Variants in FHIT observed in about 807,000 individuals in gnomAD.
The protein encoded by FHIT is bis(5'-adenosyl)-triphosphatase.
Under a neutral mutation model 17.9 loss-of-function variants are expected in FHIT, and 19 were observed. The ratio of observed to expected loss-of-function variants is 1.06; its 90% CI spans 0.74 to 1.56. FHIT has a LOEUF of 1.56. Among genes scored for constraint, FHIT ranks in the 40% most tolerant of loss-of-function variants. The pLI is 0.00. For missense variants in FHIT, 248 were observed against 189.2 expected (o/e 1.31, Z -1.82); for synonymous variants, 81 against 69.7 (o/e 1.16, Z -0.81).
intron 3 of FHIT, among the ~76,000 whole-genome samples, chr3:60,875,997 A>G (rs1327398492): frequency 2.0e-5 from 3 of 150,584 alleles, no homozygotes; most frequent in East Asian, 2.0e-4. Flanking sequence ...TTATATATCT[A>G]TTTCCCAGGC....
intron 8 of FHIT, among the ~76,000 whole-genome samples, chr3:59,919,876 C>A (rs1018970999): frequency 1.2e-4 from 19 of 152,196 alleles, no homozygotes; most frequent in African/African-American, 4.6e-4. Flanking sequence ...ACATTAAGTT[C>A]TATTCCAATA....
chr3:60,467,692 A>T (rs1038349578), intron 5 of FHIT, among the ~76,000 whole-genome samples: 6 of 152,106 alleles, frequency 3.9e-5, no homozygotes, highest in Admixed American at 3.9e-4. Context: ...GATATTTGAC[A>T]TAATTTTTAA....
chr3:61,206,167 A>G lies in FHIT; in HGVS notation c.-212-5502T>C, dbSNP rs375014791. 1.8e-4 allele frequency among the ~76,000 whole-genome samples: 24 copies of G among 134,138 alleles called. 1 individual carries two copies. The South Asian group carries it at 5.5e-3, about 31-fold the overall frequency. 88.0% of individuals were successfully genotyped at this position (134,138 alleles called of 152,430 possible). A position where few individuals can be genotyped will look rare whatever the true frequency, so the allele number is the denominator to read the frequency against. ...ATTTCTGAGGGCTCTGTTCTGTTCC[A>G]TTGATCTATATCTCTGTTTTGGTAC... On this transcript the variant is annotated intron_variant, in intron 1 of 9. Coordinates refer to ENST00000492590, the MANE Select transcript of FHIT (RefSeq NM_002012.4).
chr3:59,971,883 C>T (rs1488873193), intron 7 of FHIT, among the ~76,000 whole-genome samples: 2 of 152,118 alleles, frequency 1.3e-5, no homozygotes, highest in East Asian at 1.9e-4. Context: ...TAAATGGCAA[C>T]AAAATATAAT....
intron 5 of FHIT, among the ~76,000 whole-genome samples, chr3:60,423,971 T>C (rs1441760285): frequency 2.0e-5 from 3 of 152,202 alleles, no homozygotes; most frequent in African/African-American, 7.2e-5. Context: ...TATGTTGTAC[T>C]TCTTTCTGCT....
intron 3 of FHIT, among the ~76,000 whole-genome samples, chr3:61,039,973 G>C (rs1291427636): frequency 6.6e-6 from 1 of 152,146 alleles, no homozygotes; most frequent in African/African-American, 2.4e-5. Context: ...TGTAATTCAA[G>C]TGACATCACT....
At chr3:59,979,224 T>C (rs890990710) in intron 7 of FHIT, among the ~76,000 whole-genome samples, 2 of 152,168 alleles carry the variant, frequency 1.3e-5, no homozygotes, top group Admixed American at 6.6e-5. Context: ...ATTCCAACCT[T>C]GGTCTTGTGG....
In FHIT at chr3:60,827,404, G is replaced by C. The variant is rs145785734; in HGVS notation, c.-110-5393C>G. Among the ~76,000 whole-genome samples the C allele has an allele frequency of 1.6e-3, 242 of 152,258 alleles. 1 individual carries two copies. The highest frequency in any genetic ancestry group is 5.5e-3 in the African/African-American group (227 of 41,548). Reference sequence around the variant, plus strand: ...TACAATAGTTGCATATCATCCTTTTGTACGTGTCATCCTAAAAATGGGATT... The same window carrying C: ...TACAATAGTTGCATATCATCCTTTTCTACGTGTCATCCTAAAAATGGGATT... On this transcript the variant is annotated intron_variant, in intron 3 of 9. Coordinates refer to ENST00000492590, the MANE Select transcript of FHIT (RefSeq NM_002012.4).
At chr3:59,814,045 TACACACAC>T (rs144355020) in intron 8 of FHIT, among the ~76,000 whole-genome samples, 3 of 146,770 alleles carry the variant, frequency 2.0e-5, no homozygotes, top group East Asian at 2.0e-4. Flanking sequence ...AATTTACACA[TACACACAC>T]ACACACACAC....
At chr3:60,998,555 A>G (rs1399283280) in intron 3 of FHIT, among the ~76,000 whole-genome samples, 1 of 152,130 alleles carries the variant, frequency 6.6e-6, no homozygotes, top group Non-Finnish European at 1.5e-5. Flanking sequence ...GCTAATTTGA[A>G]CCATAGTGCC....
chr3:60,101,110 C>T (rs955771999), intron 5 of FHIT, among the ~76,000 whole-genome samples: 1 of 152,200 alleles, frequency 6.6e-6, no homozygotes, highest in Non-Finnish European at 1.5e-5. Context: ...TCTTAACTGA[C>T]CTGCCGGCCC....
chr3:60,996,127 T>A (rs548677601), intron 3 of FHIT, among the ~76,000 whole-genome samples: 2 of 152,350 alleles, frequency 1.3e-5, no homozygotes, highest in East Asian at 3.9e-4. Context: ...CTCACTTGCT[T>A]ATAAGCCCTA....
chr3:61,069,081 G>GT (rs1369033948), intron 2 of FHIT, among the ~76,000 whole-genome samples: 6 of 152,012 alleles, frequency 3.9e-5, no homozygotes, highest in African/African-American at 1.4e-4. Context: ...AATTCAACAG[G>GT]TTTTTCTTTT....
intron 2 of FHIT, among the ~76,000 whole-genome samples, chr3:61,064,253 G>A (rs1049901970): frequency 9.2e-5 from 14 of 152,054 alleles, no homozygotes; most frequent in Non-Finnish European, 1.9e-4. Context: ...GGCCCACCAC[G>A]AGATGGCCCT....
At chr3:60,007,588 C>T (rs184186455) in intron 7 of FHIT, among the ~76,000 whole-genome samples, 2 of 152,280 alleles carry the variant, frequency 1.3e-5, no homozygotes, top group Admixed American at 6.5e-5. Context: ...ATGGCTCAGA[C>T]CCCTGTAACA....
chr3:59,875,938 T>C (rs935964500), intron 8 of FHIT, among the ~76,000 whole-genome samples: 8 of 129,306 alleles, frequency 6.2e-5, no homozygotes, highest in Non-Finnish European at 9.8e-5. Context: ...GTCTGTTTGA[T>C]AAAAAAAGAA....
intron 5 of FHIT, among the ~76,000 whole-genome samples, chr3:60,294,947 C>T (rs1446776761): frequency 6.6e-6 from 1 of 152,130 alleles, no homozygotes; most frequent in East Asian, 1.9e-4. Flanking sequence ...ATCTGGATTG[C>T]TTCTAGTTTT....
chr3:60,626,078 T>C (rs549877624), intron 4 of FHIT, among the ~76,000 whole-genome samples: 5 of 152,328 alleles, frequency 3.3e-5, no homozygotes, highest in East Asian at 1.9e-4. Context: ...CTCAGTTCTA[T>C]GCCATTGATC....
chr3:59,789,807 G>A (rs1414021369), intron 8 of FHIT, among the ~76,000 whole-genome samples: 1 of 152,142 alleles, frequency 6.6e-6, no homozygotes, highest in Non-Finnish European at 1.5e-5. Context: ...CTGTTAAGAA[G>A]GGCCCTTTGA....
Sources: allele counts gnomAD v4.1 joint callset (sites outside exome capture counted in the v4.1 genomes callset), GRCh38; gene constraint gnomAD v4.1.1; transcripts MANE v1.5; gene names NCBI Gene and HGNC (gene_info 2026-07-23, HGNC 2026-07-21).